The following FNBP1L variants were observed in gnomAD, a reference collection of about 807,000 sequenced individuals.
FNBP1L encodes the protein formin binding protein 1 like.
FNBP1L carries 36 observed loss-of-function variants against 91.2 expected under a neutral mutation model. The observed-to-expected ratio is 0.39, with a 90% CI of 0.30 to 0.52. The LOEUF (loss-of-function observed/expected upper bound fraction) is 0.52, where lower values mean the gene tolerates loss of function less well. FNBP1L is among the 20% of genes least tolerant of loss of function. FNBP1L has a pLI of 0.66. For missense variants in FNBP1L, 571 were observed against 732.1 expected (o/e 0.78, Z 2.54); for synonymous variants, 242 against 237.0 (o/e 1.02, Z -0.19).
At chr1:93,501,031 C>T (rs1447000049) in intron 2 of FNBP1L, among the ~76,000 whole-genome samples, 1 of 152,014 alleles carries the variant, frequency 6.6e-6, no homozygotes, top group African/African-American at 2.4e-5. Context: ...ATGAAATGGC[C>T]TCTGAGAGAT....
Position 93,540,021 on chromosome 1 carries a change from G to A in FNBP1L, c.1150-1021G>A, listed in dbSNP as rs566431337. Among the ~76,000 whole-genome samples the A allele has an allele frequency of 2.0e-5, 3 of 152,192 alleles. No individual in the cohort carries two copies. The East Asian group carries it at 5.8e-4, about 29-fold the overall frequency. ...AGGCAGCTCACTAATTGAGATGAATGTGAAGATTAACTTTATAAAGCTCCG... is the reference window on the plus strand; with the variant it reads ...AGGCAGCTCACTAATTGAGATGAATATGAAGATTAACTTTATAAAGCTCCG... On this transcript the variant is annotated intron_variant, in intron 10 of 16. Transcript: ENST00000271234.
Position 93,516,842 on chromosome 1 carries a change from A to G in FNBP1L, c.141-5240A>G, listed in dbSNP as rs567627865. Among the ~76,000 whole-genome samples the G allele has an allele frequency of 1.1e-4, 16 of 152,310 alleles. No individual in the cohort carries two copies. In the East Asian group the frequency reaches 3.1e-3, roughly 29 times the overall value. On this transcript the variant is annotated intron_variant, in intron 2 of 16. Transcript: ENST00000271234. ...ACCATTGAACTTAAAAGTAATTTCTAGAAAACAACCCCATTTGTAGGTGGG... is the reference window on the plus strand; with the variant it reads ...ACCATTGAACTTAAAAGTAATTTCTGGAAAACAACCCCATTTGTAGGTGGG...
intron 2 of FNBP1L, among the ~76,000 whole-genome samples, chr1:93,511,988 A>G (rs12737771): frequency 5.6e-5 from 8 of 142,364 alleles, no homozygotes; most frequent in Non-Finnish European, 1.2e-4. Flanking sequence ...AAAAAAAAAA[A>G]GAGTCAAGAC....
intron 14 of FNBP1L, 88 bp downstream of exon 14, chr1:93,547,529 C>T: frequency 1.8e-6 from 2 of 1,117,236 alleles, no homozygotes; most frequent in South Asian, 1.7e-5. Flanking sequence ...TTTTTTTCTT[C>T]CAAATTTAAC....
intron 1 of FNBP1L, among the ~76,000 whole-genome samples, chr1:93,487,412 C>T (rs369636164): frequency 1.2e-3 from 176 of 152,292 alleles, no homozygotes; most frequent in African/African-American, 4.1e-3. Context: ...AATTTCAACT[C>T]TTACAGTCTG....
At chr1:93,496,743 C>G (rs949719935) in intron 1 of FNBP1L, among the ~76,000 whole-genome samples, 18 of 152,052 alleles carry the variant, frequency 1.2e-4, no homozygotes, top group Non-Finnish European at 2.5e-4. Flanking sequence ...GTTGCCCAGG[C>G]TGATCTCGAA....
chr1:93,503,623 T>C (rs1227156509), intron 2 of FNBP1L, among the ~76,000 whole-genome samples: 1 of 152,178 alleles, frequency 6.6e-6, no homozygotes, highest in African/African-American at 2.4e-5. Flanking sequence ...TGGGAATAAA[T>C]AGAAAATAAA....
chr1:93,478,097 G>A (rs191915247), intron 1 of FNBP1L, among the ~76,000 whole-genome samples: 1 of 152,274 alleles, frequency 6.6e-6, no homozygotes, highest in African/African-American at 2.4e-5. Flanking sequence ...GGGATAAATG[G>A]GGAACTGATA....
intron 1 of FNBP1L, among the ~76,000 whole-genome samples, chr1:93,484,701 G>C (rs1006956245): frequency 6.6e-6 from 1 of 152,120 alleles, no homozygotes; most frequent in Admixed American, 6.5e-5. Flanking sequence ...TCTGAGCAAA[G>C]GCTAAACAGT....
chr1:93,551,700 A>G lies in FNBP1L; in HGVS notation c.1810+595A>G, dbSNP rs575657328. On this transcript the variant is annotated intron_variant, in intron 16 of 16. Coordinates refer to ENST00000271234, the MANE Select transcript of FNBP1L (RefSeq NM_001164473.3). ...AAAATGAGCAGGTAGCACATAATCT[A>G]TTTAAGTAGATTTAAAGAGAGTTTC... The G allele has an allele frequency of 6.8e-4, 670 of 984,708 alleles. 1 individual carries two copies. Among genetic ancestry groups the G allele is most frequent in the Non-Finnish European group, 6.7e-4 (555 of 829,256 alleles). The allele number at this position is 984,708 out of a possible 1,614,324, so 61.0% of individuals were successfully genotyped here. A position where few individuals can be genotyped will look rare whatever the true frequency, so the allele number is the denominator to read the frequency against.
chr1:93,550,267 T>C (rs948480631), intron 15 of FNBP1L, among the ~76,000 whole-genome samples: 1 of 152,178 alleles, frequency 6.6e-6, no homozygotes, highest in African/African-American at 2.4e-5. Context: ...GAGGATTGCT[T>C]GAGCCCAGGA....
chr1:93,538,490 C>T (rs1248228607), intron 10 of FNBP1L, among the ~76,000 whole-genome samples: 1 of 151,918 alleles, frequency 6.6e-6, no homozygotes, highest in Non-Finnish European at 1.5e-5. Flanking sequence ...ATATGACAAA[C>T]CAACTAGGGG....
chr1:93,487,800 A>G (rs1394071014), intron 1 of FNBP1L, among the ~76,000 whole-genome samples: 5 of 152,152 alleles, frequency 3.3e-5, no homozygotes, highest in Non-Finnish European at 5.9e-5. Context: ...TTCTTCATCA[A>G]TTCCTTGACC....
chr1:93,533,824 A>T (rs1026023739), intron 8 of FNBP1L, among the ~76,000 whole-genome samples: 3 of 152,192 alleles, frequency 2.0e-5, no homozygotes, highest in African/African-American at 7.2e-5. Flanking sequence ...ATACAATATC[A>T]TTACAGCCCT....
At chr1:93,541,418 C>T (rs1008870434) in intron 11 of FNBP1L, among the ~76,000 whole-genome samples, 3 of 151,986 alleles carry the variant, frequency 2.0e-5, no homozygotes, top group Admixed American at 6.6e-5. Context: ...TTTAAAAAAT[C>T]GTATAAATTT....
At chr1:93,477,898 T>G (rs939583574) in intron 1 of FNBP1L, among the ~76,000 whole-genome samples, 2 of 152,246 alleles carry the variant, frequency 1.3e-5, no homozygotes, top group African/African-American at 4.8e-5. Flanking sequence ...CTTTTCTGTT[T>G]CTTTAACAGT....
chr1:93,485,565 T>C (rs1185852067), intron 1 of FNBP1L, among the ~76,000 whole-genome samples: 1 of 152,238 alleles, frequency 6.6e-6, no homozygotes, highest in East Asian at 1.9e-4. Context: ...AGTGATTATT[T>C]GATAACTCTC....
intron 1 of FNBP1L, among the ~76,000 whole-genome samples, chr1:93,474,063 C>T (rs923416671): frequency 6.6e-6 from 1 of 151,936 alleles, no homozygotes; most frequent in Non-Finnish European, 1.5e-5. Flanking sequence ...TGGCCAACAT[C>T]GTGAAACGCC....
chr1:93,474,620 T>C (rs1363270265), intron 1 of FNBP1L, among the ~76,000 whole-genome samples: 1 of 152,180 alleles, frequency 6.6e-6, no homozygotes, highest in Non-Finnish European at 1.5e-5. Flanking sequence ...GAGATTCTGA[T>C]TTACTAGGTC....
Sources: gnomAD v4.1 joint callset for allele counts (sites outside exome capture counted in the v4.1 genomes callset) on GRCh38, gnomAD v4.1.1 for gene constraint, MANE v1.5 for transcripts, NCBI Gene and HGNC (gene_info 2026-07-23, HGNC 2026-07-21) for gene names.